ZNF525: variants seen among roughly 807,000 people sequenced by gnomAD.
The protein encoded by ZNF525 is zinc finger protein 525.
ZNF525 carries 33 observed loss-of-function variants against 37.6 expected under a neutral mutation model. The observed-to-expected ratio is 0.88, with a 90% confidence interval of 0.67 to 1.17. The LOEUF is 1.17. ZNF525 is among the 50% of genes most tolerant of loss of function. ZNF525 has a pLI of 0.00. For missense variants in ZNF525, 449 were observed against 543.1 expected, an observed-to-expected ratio of 0.83 and a Z score of 1.72; for synonymous variants, 170 against 182.3, an observed-to-expected ratio of 0.93 and a Z score of 0.54.
chr19:53,366,256 C>T lies in ZNF525; in HGVS notation c.-68+497C>T, dbSNP rs77869932. On this transcript the variant is annotated intron_variant, in intron 1 of 3. Transcript: ENST00000474037. Reference sequence around the variant, plus strand: ...CGGGCCCTGCTGCTCCCCAGGTCTCCCATCCGCAGTCACAGCTTGCCCTGA... The same window carrying T: ...CGGGCCCTGCTGCTCCCCAGGTCTCTCATCCGCAGTCACAGCTTGCCCTGA... Among the ~76,000 whole-genome samples the T allele has an allele frequency of 1.1e-3, 124 of 114,010 alleles. 33 individuals carry two copies. The highest frequency in any genetic ancestry group is 2.2e-3 in the Non-Finnish European group (98 of 44,528). 74.8% of individuals were successfully genotyped at this position (114,010 alleles called of 152,430 possible). A position where few individuals can be genotyped will look rare whatever the true frequency, so the allele number is the denominator to read the frequency against.
In ZNF525 at chr19:53,384,751, CTTTCT is replaced by C; in HGVS notation, c.*2735_*2739del. ...TCTACAAACAAATGTAATTTTACTT[CTTTCT>C]TTCTGATTTGGATGAGTTTGATTTC... On this transcript the variant is annotated 3_prime_UTR_variant, in exon 4 of 4. Transcript: ENST00000474037. 1 of 478,434 alleles carries C rather than the reference CTTTCT, an allele frequency of 2.1e-6. No individual in the cohort carries two copies. The highest frequency in any genetic ancestry group is 3.7e-6 in the Non-Finnish European group (1 of 269,802). 29.6% of individuals were successfully genotyped at this position (478,434 alleles called of 1,614,324 possible).
chr19:53,379,129 T>C (rs1342905320), intron 3 of ZNF525, among the ~76,000 whole-genome samples: 2 of 151,096 alleles, frequency 1.3e-5, no homozygotes, highest in South Asian at 2.1e-4. Context: ...TTTTTTTTTT[T>C]CTTAGAGACG....
intron 1 of ZNF525, among the ~76,000 whole-genome samples, chr19:53,370,494 G>T (rs117443589): frequency 6.6e-6 from 1 of 151,236 alleles, no homozygotes; most frequent in Non-Finnish European, 1.5e-5. Context: ...AAATTTCCCT[G>T]CTCTGAGCCC....
At chr19:53,370,353 A>C (rs7259646) in intron 1 of ZNF525, among the ~76,000 whole-genome samples, 119,580 of 146,354 alleles carry the variant, frequency 0.82, 48,868 homozygotes, top group Admixed American at 0.85. Context: ...TGGGAAGCGG[A>C]GTTTGCACCG....
At chr19:53,376,457 G>T in intron 3 of ZNF525, 1 of 579,354 alleles carries the variant, frequency 1.7e-6, no homozygotes, top group Non-Finnish European at 3.0e-6. Context: ...TTTTTTTGTT[G>T]TTATTTTGTT....
At chr19:53,377,684 A>G (rs935234078) in intron 3 of ZNF525, among the ~76,000 whole-genome samples, 4 of 151,470 alleles carry the variant, frequency 2.6e-5, no homozygotes, top group Admixed American at 1.3e-4. Flanking sequence ...TTTCCCAAGT[A>G]GCTGGGACTA....
At position 53,383,513 on chromosome 19, in the gene ZNF525, C is replaced by A; in HGVS notation, c.*1494C>A. 1.7e-6 allele frequency: 2 copies of A among 1,201,324 alleles called. No homozygotes were observed. The highest frequency in any genetic ancestry group is 2.4e-6 in the Non-Finnish European group (2 of 846,430). The allele number at this position is 1,201,324 out of a possible 1,614,324, so 74.4% of individuals were successfully genotyped here. ...AAGAGTTTTTGACAAGGCTTTCGGA[C>A]GTGATTCACACCTGGCACAACATCC... On this transcript the variant is annotated 3_prime_UTR_variant, in exon 4 of 4. Coordinates refer to ENST00000474037, the MANE Select transcript of ZNF525 (RefSeq NM_001348156.2).
At chr19:53,369,786 G>A (rs1375969376) in intron 1 of ZNF525, among the ~76,000 whole-genome samples, 5 of 122,150 alleles carry the variant, frequency 4.1e-5, no homozygotes, top group Admixed American at 3.4e-4. Context: ...GTGCAGTGGC[G>A]CGATCTGGGC....
At chr19:53,366,736 A>G (rs984061275) in intron 1 of ZNF525, among the ~76,000 whole-genome samples, 14 of 149,850 alleles carry the variant, frequency 9.3e-5, no homozygotes, top group South Asian at 2.1e-4. Context: ...TGGCAAAGAG[A>G]ACAGAGGGAG....
intron 3 of ZNF525, among the ~76,000 whole-genome samples, chr19:53,376,662 G>A (rs1280154713): frequency 6.6e-6 from 1 of 152,116 alleles, no homozygotes; most frequent in Non-Finnish European, 1.5e-5. Context: ...ACCGCAGCCG[G>A]CTCCACATCT....
chr19:53,365,934 T>C (rs534928665), intron 1 of ZNF525, among the ~76,000 whole-genome samples, 175 bp downstream of exon 1: 1 of 152,174 alleles, frequency 6.6e-6, no homozygotes, highest in East Asian at 1.9e-4. Flanking sequence ...GTTTAAAGTC[T>C]CCCTGAGGCT....
chr19:53,368,836 T>C (rs1241028498), intron 1 of ZNF525, among the ~76,000 whole-genome samples: 1 of 152,072 alleles, frequency 6.6e-6, no homozygotes, highest in Non-Finnish European at 1.5e-5. Flanking sequence ...ATGGTGAAAT[T>C]TACGGGATGA....
At chr19:53,369,818 G>A (rs1199704552) in intron 1 of ZNF525, among the ~76,000 whole-genome samples, 2 of 125,414 alleles carry the variant, frequency 1.6e-5, no homozygotes, top group Admixed American at 8.3e-5. Flanking sequence ...TCCACCTCCC[G>A]GGTTCACGCC....
intron 3 of ZNF525, among the ~76,000 whole-genome samples, chr19:53,378,395 T>C (rs1290906273): frequency 6.6e-6 from 1 of 151,992 alleles, no homozygotes; most frequent in Non-Finnish European, 1.5e-5. Context: ...GTGGAGGTTG[T>C]AGTGAGCCAA....
At chr19:53,379,527 A>G (rs1028488514) in intron 3 of ZNF525, 6 of 152,230 alleles carry the variant, frequency 3.9e-5, no homozygotes, top group Admixed American at 2.0e-4. Flanking sequence ...GGTGGTAAGT[A>G]GAAGTTGTGC....
At chr19:53,368,158 A>AT (rs1262213388) in intron 1 of ZNF525, among the ~76,000 whole-genome samples, 1 of 152,116 alleles carries the variant, frequency 6.6e-6, no homozygotes, top group Non-Finnish European at 1.5e-5. Context: ...GCCCTTGTCC[A>AT]TTTGGCTGGC....
intron 1 of ZNF525, among the ~76,000 whole-genome samples, chr19:53,369,102 G>A (rs1201517248): frequency 6.6e-6 from 1 of 152,194 alleles, no homozygotes; most frequent in Non-Finnish European, 1.5e-5. Flanking sequence ...TAAAAGGGAA[G>A]GACCTTGGTT....
intron 1 of ZNF525, 101 bp from the exon 2 acceptor site, chr19:53,372,114 C>G (rs764082880): frequency 4.2e-5 from 21 of 499,564 alleles, no homozygotes. Context: ...GTAGAGGGGA[C>G]TGTATTTCAT....
At position 53,381,205 on chromosome 19, in the gene ZNF525, G is replaced by A. The variant is rs4570987; in HGVS notation, c.626G>A (p.Arg209His). The A allele has an allele frequency of 2.1e-3, 2,872 of 1,340,424 alleles. 46 individuals carry two copies. The African/African-American group carries it at 0.036, about 17-fold the overall frequency. The allele number at this position is 1,340,424 out of a possible 1,614,324, so 83.0% of individuals were successfully genotyped here. A position where few individuals can be genotyped will look rare whatever the true frequency, so the allele number is the denominator to read the frequency against. ...YSLLTQRQEV[R>H]MREKSFQCIE... ...TTACTCACACAAAGACAGGAAGTAC[G>A]CATGAGAGAAAAATCTTTCCAATGT... The change falls in exon 4 of 4, where the codon CGC becomes CAC. Residue 209 changes from arginine to histidine, a missense_variant. This residue lies in a region of ZNF525 where 271 missense variants were observed against 381.6 expected (regional missense o/e 0.71). Transcript: ENST00000474037.
Sources: allele counts gnomAD v4.1 joint callset (sites outside exome capture counted in the v4.1 genomes callset), GRCh38; gene constraint gnomAD v4.1.1; regional missense constraint gnomAD v4.1.1; transcripts MANE v1.5; gene names NCBI Gene and HGNC (gene_info 2026-07-23, HGNC 2026-07-21).